Variants in PRKAG1 observed in about 807,000 individuals in gnomAD.
PRKAG1 encodes protein kinase AMP-activated non-catalytic subunit gamma 1, also known as 5'-AMP-activated protein kinase subunit gamma-1.
Under a neutral mutation model 48.2 loss-of-function variants are expected in PRKAG1, and 27 were observed. The ratio of observed to expected loss-of-function variants is 0.56; its 90% CI spans 0.41 to 0.77. The LOEUF is 0.77. Among genes scored for constraint, PRKAG1 ranks in the 30% least tolerant of loss-of-function variants. The pLI, the probability that PRKAG1 is intolerant of heterozygous loss-of-function variation, is 0.00. For missense variants in PRKAG1, 287 were observed against 398.3 expected, an observed-to-expected ratio of 0.72 and a Z score of 2.38; for synonymous variants, 130 against 147.7, an observed-to-expected ratio of 0.88 and a Z score of 0.87.
intron 8 of PRKAG1, chr12:49,004,125 AT>A (rs1941419003): frequency 3.1e-6 from 2 of 644,544 alleles, no homozygotes. Context: ...CCCTATCTCT[AT>A]AAAAAATACC....
At chr12:49,011,982 C>T (rs1285513905) in intron 2 of PRKAG1, among the ~76,000 whole-genome samples, 6 of 152,176 alleles carry the variant, frequency 3.9e-5, no homozygotes, top group African/African-American at 2.4e-5. Context: ...CTCAGCCTCC[C>T]GAGTAGCTGG....
intron 2 of PRKAG1, among the ~76,000 whole-genome samples, chr12:49,007,777 A>C (rs1431139267): frequency 6.6e-6 from 1 of 151,152 alleles, no homozygotes; most frequent in Non-Finnish European, 1.5e-5. Context: ...TCCTACTAGG[A>C]CTCCACCACA....
In PRKAG1 at chr12:49,009,864, C is replaced by T. The variant is rs565709465; in HGVS notation, c.58+3198G>A. Among the ~76,000 whole-genome samples, 4 of 152,296 alleles carry T rather than the reference C, an allele frequency of 2.6e-5. No individual in the cohort carries two copies. The East Asian group carries it at 5.8e-4, about 22-fold the overall frequency. On this transcript the variant is annotated intron_variant, in intron 2 of 11. Coordinates refer to ENST00000548065, the MANE Select transcript of PRKAG1 (RefSeq NM_002733.5). ...CTGACCTCAGGTGATCTGCCTGCCT[C>T]GGCCTCCCAAAGTGCTGGGATTACA...
In PRKAG1 at chr12:49,010,216, G is replaced by C. The variant is rs1432029355; in HGVS notation, c.58+2846C>G. Among the ~76,000 whole-genome samples the C allele has an allele frequency of 2.0e-5, 3 of 152,138 alleles. No individual in the cohort carries two copies. The East Asian group carries it at 5.8e-4, about 29-fold the overall frequency. On this transcript the variant is annotated intron_variant, in intron 2 of 11. Transcript: ENST00000548065. ...TTCTTTAGATGTTTGGTAATCCCTAGTTTAAAGGAGAACTTAAACCATAAC... is the reference window on the plus strand; with the variant it reads ...TTCTTTAGATGTTTGGTAATCCCTACTTTAAAGGAGAACTTAAACCATAAC...
Position 49,005,423 on chromosome 12 carries a change from A to G in PRKAG1, c.250+39T>C. On this transcript the variant is annotated intron_variant, in intron 4 of 11. Coordinates refer to ENST00000548065, the MANE Select transcript of PRKAG1 (RefSeq NM_002733.5). The surrounding 1 kb of genome is among the most constrained non-coding windows in gnomAD (Gnocchi z 4.1). ...GAAGCTTGTCTCCCTGCCCAGCACA[A>G]GATGCCAATAATATTGTGTTCCAGA... The G allele has an allele frequency of 6.2e-7, 1 of 1,614,102 alleles. No individual in the cohort carries two copies. Among genetic ancestry groups the G allele is most frequent in the Non-Finnish European group, 8.5e-7 (1 of 1,180,028 alleles).
intron 1 of PRKAG1, chr12:49,017,223 C>G (rs1282053796): frequency 2.2e-6 from 1 of 455,704 alleles, no homozygotes; most frequent in Admixed American, 2.4e-5. Context: ...TTTTTGGAGA[C>G]AGGATCTCAC....
At position 49,004,813 on chromosome 12, in the gene PRKAG1, C is replaced by CTGTGTGTGTG. The variant is rs3832821; in HGVS notation, c.410+141_410+150dup. On this transcript the variant is annotated intron_variant, in intron 7 of 11. Coordinates refer to ENST00000548065, the MANE Select transcript of PRKAG1 (RefSeq NM_002733.5). ...AGTGAGAATGAGAGAGAGAGAGAGACTGTGTGTGTGTGTGTGTGTGTGTGT... is the reference window on the plus strand; with the variant it reads ...AGTGAGAATGAGAGAGAGAGAGAGACTGTGTGTGTGTGTGTGTGTGTGTGTGTGTGTGTGT... 6,133 of 713,206 alleles carry CTGTGTGTGTG rather than the reference C, an allele frequency of 8.6e-3. 50 individuals carry two copies. The highest frequency in any genetic ancestry group is 0.033 in the East Asian group (1,069 of 31,924). The allele number at this position is 713,206 out of a possible 1,614,324, so 44.2% of individuals were successfully genotyped here.
Position 49,007,236 on chromosome 12 carries a change from G to A in PRKAG1, c.59-1384C>T, listed in dbSNP as rs191402970. Among the ~76,000 whole-genome samples the A allele has an allele frequency of 4.2e-4, 64 of 150,672 alleles. No homozygotes were observed. In the East Asian group the frequency reaches 0.011, roughly 27 times the overall value. ...CAGGAGGTGGAGGTTGCAGTGAGAC[G>A]AGATTGTGCCTCTGCACTCCAGCCT... On this transcript the variant is annotated intron_variant, in intron 2 of 11. Coordinates refer to ENST00000548065, the MANE Select transcript of PRKAG1 (RefSeq NM_002733.5).
intron 1 of PRKAG1, chr12:49,017,962 G>A (rs988527097): frequency 5.3e-5 from 8 of 152,202 alleles, no homozygotes; most frequent in African/African-American, 1.4e-4. Context: ...CTGTGGAGAG[G>A]GAAGTGTATG....
intron 2 of PRKAG1, among the ~76,000 whole-genome samples, chr12:49,006,417 G>T: frequency 6.6e-6 from 1 of 152,038 alleles, no homozygotes; most frequent in Non-Finnish European, 1.5e-5. Flanking sequence ...GGAAAGTCAT[G>T]GTCCAAGTTG....
rs377570549 is a variant in PRKAG1 at position 49,002,878 on chromosome 12, T to C, written c.*21A>G. On this transcript the variant is annotated 3_prime_UTR_variant, in exon 12 of 12. Coordinates refer to ENST00000548065, the MANE Select transcript of PRKAG1 (RefSeq NM_002733.5). ...GTGAGTTGGGCATATCCCCTGGTGCTGCATGACCCCTTCCCCCAGCTCAGG... is the reference window on the plus strand; with the variant it reads ...GTGAGTTGGGCATATCCCCTGGTGCCGCATGACCCCTTCCCCCAGCTCAGG... 39 of 1,601,912 alleles carry C rather than the reference T, an allele frequency of 2.4e-5. No homozygotes were observed. The highest frequency in any genetic ancestry group is 1.8e-4 in the East Asian group (8 of 44,810).
chr12:49,018,609 C>G, intron 1 of PRKAG1, 123 bp downstream of exon 1: 1 of 1,577,678 alleles, frequency 6.3e-7, no homozygotes, highest in Non-Finnish European at 8.6e-7. Flanking sequence ...AGGGCAGACA[C>G]CCGGCTGCTT....
At position 49,002,507 on chromosome 12, in the gene PRKAG1, TG is replaced by T; in HGVS notation, c.*391del. The T allele has an allele frequency of 3.0e-6, 1 of 338,616 alleles. No homozygotes were observed. The highest frequency in any genetic ancestry group is 7.6e-5 in the East Asian group (1 of 13,126). 21.0% of individuals were successfully genotyped at this position (338,616 alleles called of 1,614,324 possible). ...GAACAGGTGAATAAAAATATCTTTA[TG>T]AAGAATTTTGTTGTGCTATTATCTT... On this transcript the variant is annotated 3_prime_UTR_variant, in exon 12 of 12. Coordinates refer to ENST00000548065, the MANE Select transcript of PRKAG1 (RefSeq NM_002733.5).
chr12:49,003,250 G>T lies in PRKAG1; in HGVS notation c.782C>A (p.Ser261Tyr). The change falls in exon 11 of 12, where the codon TCT becomes TAT. Residue 261 changes from serine to tyrosine, a missense_variant. Ser to Tyr is a moderately radical substitution (Grantham distance 144). This residue lies in a region of PRKAG1 where 224 missense variants were observed against 344.3 expected (regional missense o/e 0.65). Transcript: ENST00000548065. ...AEKTYNNLDVSVTKALQHRSH... is the reference protein window; with the variant it reads ...AEKTYNNLDVYVTKALQHRSH... ...TCGATGTTGCAAGGCTTTAGTCACA[G>T]ATACATCTAGGTTGTTGTAGGTCTT... The T allele has an allele frequency of 1.2e-6, 2 of 1,614,184 alleles. No homozygotes were observed. Among genetic ancestry groups the T allele is most frequent in the Middle Eastern group, 1.6e-4 (1 of 6,062 alleles).
intron 8 of PRKAG1, 189 bp downstream of exon 8, chr12:49,004,318 G>A (rs954773737): frequency 2.4e-5 from 16 of 664,246 alleles, no homozygotes; most frequent in Non-Finnish European, 3.5e-5. Flanking sequence ...TAAATAAGAA[G>A]TGGGGCTGGA....
At chr12:49,015,106 C>T (rs553380516) in intron 1 of PRKAG1, among the ~76,000 whole-genome samples, 1 of 152,290 alleles carries the variant, frequency 6.6e-6, no homozygotes, top group African/African-American at 2.4e-5. Context: ...CCTCTTCCCA[C>T]TGGACTGCAT....
rs895222301 is a variant in PRKAG1, at chr12:49,002,498, A to G, written c.*401T>C. ...TATAGCACGGAACAGGTGAATAAAA[A>G]TATCTTTATGAAGAATTTTGTTGTG... On this transcript the variant is annotated 3_prime_UTR_variant, in exon 12 of 12. Coordinates refer to ENST00000548065, the MANE Select transcript of PRKAG1 (RefSeq NM_002733.5). 5 of 336,724 alleles carry G rather than the reference A, an allele frequency of 1.5e-5. No individual in the cohort carries two copies. Among genetic ancestry groups the G allele is most frequent in the South Asian group, 1.2e-4 (5 of 41,174 alleles). 20.9% of individuals were successfully genotyped at this position (336,724 alleles called of 1,614,324 possible). A position where few individuals can be genotyped will look rare whatever the true frequency, so the allele number is the denominator to read the frequency against.
chr12:49,003,892 A>G lies in PRKAG1; in HGVS notation c.568T>C (p.Ser190Pro). The G allele has an allele frequency of 6.2e-7, 1 of 1,610,872 alleles. No individual in the cohort carries two copies. The highest frequency in any genetic ancestry group is 8.5e-7 in the Non-Finnish European group (1 of 1,178,260). Reference protein sequence around the residue: ...ITEFPKPEFMSKSLEELQIGT... With the variant: ...ITEFPKPEFMPKSLEELQIGT... ...ATCTGTAGCTCTTCCAGAGACTTGGACATGAACTCTGGCTTGGGGAACTCA... is the reference window on the plus strand; with the variant it reads ...ATCTGTAGCTCTTCCAGAGACTTGGGCATGAACTCTGGCTTGGGGAACTCA... Residue 190 changes from serine (S) to proline (P), a missense_variant, in exon 9 of 12, where the codon TCC (serine) becomes CCC (proline). Ser to Pro is a moderately conservative substitution (Grantham distance 74). Coordinates refer to ENST00000548065, the MANE Select transcript of PRKAG1 (RefSeq NM_002733.5).
chr12:49,004,759 G>A, intron 7 of PRKAG1, 126 bp from the exon 8 acceptor site: 1 of 1,444,282 alleles, frequency 6.9e-7, no homozygotes, highest in Non-Finnish European at 9.6e-7. Context: ...GTACAGGCCA[G>A]ACTTAAAGAG....
Sources: allele counts gnomAD v4.1 joint callset (sites outside exome capture counted in the v4.1 genomes callset), GRCh38; gene constraint gnomAD v4.1.1; regional missense constraint gnomAD v4.1.1; non-coding constraint Gnocchi (gnomAD v3.1); transcripts MANE v1.5; gene names NCBI Gene and HGNC (gene_info 2026-07-23, HGNC 2026-07-21).